CEP162: variants seen among roughly 807,000 people sequenced by gnomAD.
CEP162 encodes the protein centrosomal protein of 162 kDa.
In CEP162, 141 loss-of-function variants were observed where a neutral mutation model predicts 169.2. The observed-to-expected ratio is 0.83, with a 90% confidence interval of 0.73 to 0.96. The LOEUF (loss-of-function observed/expected upper bound fraction) is 0.96. Among genes scored for constraint, CEP162 ranks in the 40% least tolerant of loss-of-function variants. The pLI, the probability that CEP162 is intolerant of heterozygous loss-of-function variation, is 0.00. For synonymous variants in CEP162, 540 were observed against 526.4 expected (o/e 1.03, Z -0.35); for missense variants, 1,600 against 1,587.2 (o/e 1.01, Z -0.14).
chr6:84,207,458 G>C (rs1238363788), intron 6 of CEP162, among the ~76,000 whole-genome samples: 2 of 151,426 alleles, frequency 1.3e-5, no homozygotes, highest in African/African-American at 4.8e-5. Context: ...TGAGCAAACT[G>C]TCGCAAGGAC....
chr6:84,178,904 T>C (rs1588806309), intron 13 of CEP162, among the ~76,000 whole-genome samples: 1 of 152,252 alleles, frequency 6.6e-6, no homozygotes, highest in African/African-American at 2.4e-5. Flanking sequence ...AGTGAGAACA[T>C]GCAGTGTTTG....
chr6:84,224,235 C>T (rs1055549463), intron 2 of CEP162, among the ~76,000 whole-genome samples: 11 of 152,182 alleles, frequency 7.2e-5, no homozygotes, highest in African/African-American at 1.4e-4. Flanking sequence ...ATACATACTA[C>T]GACATGGATG....
intron 21 of CEP162, among the ~76,000 whole-genome samples, chr6:84,156,692 A>G (rs574855095): frequency 6.6e-6 from 1 of 151,996 alleles, no homozygotes; most frequent in Non-Finnish European, 1.5e-5. Flanking sequence ...GAACCACTTG[A>G]TCCAGCAATT....
intron 6 of CEP162, among the ~76,000 whole-genome samples, chr6:84,211,526 CAAAAAAAAAA>C (rs960472453): frequency 2.8e-5 from 1 of 35,570 alleles, no homozygotes; most frequent in African/African-American, 7.5e-5. Flanking sequence ...GATTCTATCT[CAAAAAAAAAA>C]AAAAAAAAAA....
At chr6:84,210,547 C>T (rs1465740684) in intron 6 of CEP162, among the ~76,000 whole-genome samples, 1 of 152,118 alleles carries the variant, frequency 6.6e-6, no homozygotes, top group African/African-American at 2.4e-5. Flanking sequence ...GACAGTATCA[C>T]TGAGTAGAGG....
chr6:84,204,198 T>C (rs995432784), intron 6 of CEP162, 102 bp from the exon 7 acceptor site: 22 of 632,064 alleles, frequency 3.5e-5, no homozygotes, highest in Non-Finnish European at 4.8e-5. Context: ...TGTATAAGAA[T>C]AGTTTATTGA....
At chr6:84,191,543 T>C (rs561885235) in intron 11 of CEP162, among the ~76,000 whole-genome samples, 1 of 152,316 alleles carries the variant, frequency 6.6e-6, no homozygotes, top group Non-Finnish European at 1.5e-5. Context: ...CCATTATATA[T>C]TGGGATGGGG....
intron 11 of CEP162, among the ~76,000 whole-genome samples, chr6:84,192,437 G>C (rs1484466348): frequency 2.0e-5 from 3 of 152,190 alleles, no homozygotes; most frequent in Non-Finnish European, 4.4e-5. Flanking sequence ...GCAATGATGA[G>C]TGGTACCATC....
At chr6:84,223,237 A>T (rs2127758860) in intron 2 of CEP162, among the ~76,000 whole-genome samples, 1 of 152,246 alleles carries the variant, frequency 6.6e-6, no homozygotes, top group Admixed American at 6.5e-5. Flanking sequence ...GTGGTGGCTC[A>T]CACCTGTAAT....
intron 2 of CEP162, among the ~76,000 whole-genome samples, chr6:84,222,060 A>G (rs574429162): frequency 2.0e-5 from 3 of 152,226 alleles, no homozygotes; most frequent in East Asian, 3.9e-4. Flanking sequence ...TTTGAAAAAA[A>G]AAAAGTAGAA....
chr6:84,174,004 A>T, intron 16 of CEP162, 44 bp downstream of exon 16: 1 of 1,558,140 alleles, frequency 6.4e-7, no homozygotes, highest in Non-Finnish European at 8.8e-7. Context: ...TTTATAACTA[A>T]AAGATCAAGA....
chr6:84,162,191 T>C (rs899721051), intron 19 of CEP162, among the ~76,000 whole-genome samples: 2 of 152,190 alleles, frequency 1.3e-5, no homozygotes, highest in Admixed American at 1.3e-4. Flanking sequence ...TTTTTAAAAT[T>C]ATAAAAGTAA....
intron 13 of CEP162, among the ~76,000 whole-genome samples, chr6:84,176,310 T>C (rs1323643099): frequency 6.6e-6 from 1 of 152,146 alleles, no homozygotes; most frequent in Non-Finnish European, 1.5e-5. Context: ...AAGATTTCAT[T>C]TCAATTATTT....
chr6:84,175,367 T>A lies in CEP162; in HGVS notation c.1664-20A>T. On this transcript the variant is annotated intron_variant, in intron 13 of 26. Coordinates refer to ENST00000403245, the MANE Select transcript of CEP162 (RefSeq NM_014895.4). The stretch of plus-strand genomic sequence containing the variant: ...AGATTTCTAAATATTATAAACAATG[T>A]ATAAATGCACCACAAATGTAAAGTT... 6.7e-7 allele frequency: 1 copy of A among 1,500,078 alleles called. No homozygotes were observed. Among genetic ancestry groups the A allele is most frequent in the Non-Finnish European group, 9.0e-7 (1 of 1,112,586 alleles). 92.9% of individuals were successfully genotyped at this position (1,500,078 alleles called of 1,614,324 possible).
chr6:84,151,119 A>T (rs774323242), intron 23 of CEP162, among the ~76,000 whole-genome samples: 2 of 152,158 alleles, frequency 1.3e-5, no homozygotes, highest in Non-Finnish European at 2.9e-5. Context: ...CAGATTAGGT[A>T]AGTAGAGTAG....
In CEP162 at chr6:84,179,009, C is replaced by A. The variant is rs1470363008; in HGVS notation, c.1664-3662G>T. Among the ~76,000 whole-genome samples, 13 of 152,162 alleles carry A rather than the reference C, an allele frequency of 8.5e-5. 1 individual carries two copies. Among genetic ancestry groups the A allele is most frequent in the Admixed American group, 8.5e-4 (13 of 15,272 alleles). On this transcript the variant is annotated intron_variant, in intron 13 of 26. Transcript: ENST00000403245. ...ATGAACTCATCCTTTTTTATGGCTGCATAGTATTCCATGGTGTATATGTGC... is the reference window on the plus strand; with the variant it reads ...ATGAACTCATCCTTTTTTATGGCTGAATAGTATTCCATGGTGTATATGTGC...
intron 25 of CEP162, among the ~76,000 whole-genome samples, chr6:84,129,241 G>T (rs1403769339): frequency 6.6e-6 from 1 of 152,068 alleles, no homozygotes; most frequent in Admixed American, 6.6e-5. Flanking sequence ...GGTATTTCTA[G>T]TTCTAGATCC....
At chr6:84,141,676 G>C (rs1013053352) in intron 25 of CEP162, among the ~76,000 whole-genome samples, 2 of 152,230 alleles carry the variant, frequency 1.3e-5, no homozygotes, top group African/African-American at 4.8e-5. Context: ...ATCCAGGGCC[G>C]GGGTGTATAG....
chr6:84,197,623 G>A (rs1263212397), intron 9 of CEP162, among the ~76,000 whole-genome samples: 3 of 151,904 alleles, frequency 2.0e-5, no homozygotes, highest in African/African-American at 7.3e-5. Context: ...GACCAGCCTG[G>A]CCAACATGGT....
Sources: gnomAD v4.1 joint callset for allele counts (sites outside exome capture counted in the v4.1 genomes callset) on GRCh38, gnomAD v4.1.1 for gene constraint, MANE v1.5 for transcripts, NCBI Gene and HGNC (gene_info 2026-07-23, HGNC 2026-07-21) for gene names.